Variants in RAB27A observed in about 807,000 individuals in gnomAD.
RAB27A encodes ras-related protein Rab-27A.
Under a neutral mutation model 20.8 loss-of-function variants are expected in RAB27A, and 17 were observed. The observed-to-expected ratio is 0.82, with a 90% CI of 0.56 to 1.23. The LOEUF is 1.23. Ranked by LOEUF, RAB27A falls within the 50% of genes most tolerant of loss-of-function variation. The probability of loss-of-function intolerance (pLI) is 0.00; values close to 1 mark genes in which losing one functional copy is unlikely to be tolerated. For synonymous variants in RAB27A, 85 were observed against 92.8 expected (o/e 0.92, Z 0.48); for missense variants, 277 against 266.7 (o/e 1.04, Z -0.27).
intron 6 of RAB27A, among the ~76,000 whole-genome samples, chr15:55,212,262 A>AC (rs1895063594): frequency 6.6e-6 from 1 of 152,194 alleles, no homozygotes; most frequent in African/African-American, 2.4e-5. Context: ...GCTAGAAAGT[A>AC]GCAGAGTTAG....
chr15:55,318,679 C>T lies in RAB27A; in HGVS notation c.-234+252G>A, dbSNP rs77928167. 3.3e-4 allele frequency among the ~76,000 whole-genome samples: 49 copies of T among 147,410 alleles called. No homozygotes were observed. The East Asian group carries it at 0.01, about 30-fold the overall frequency. ...TTGCGCCACTGCACTCCAGCCTGGA[C>T]TACAAGAGCGAAACTCCGTCTCAAA... On this transcript the variant is annotated intron_variant, in intron 1 of 5. Transcript: ENST00000563262.
chr15:55,293,486 A>T (rs1314552375), upstream of RAB27A, among the ~76,000 whole-genome samples: 1 of 151,978 alleles, frequency 6.6e-6, no homozygotes, highest in African/African-American at 2.4e-5. Flanking sequence ...GAACAATTGA[A>T]AAGGAAACTT....
chr15:55,246,914 G>A (rs1202713191), intron 2 of RAB27A, among the ~76,000 whole-genome samples: 1 of 152,092 alleles, frequency 6.6e-6, no homozygotes, highest in East Asian at 1.9e-4. Context: ...ACAGACTTCG[G>A]AGTCAAGTTC....
upstream of RAB27A, among the ~76,000 whole-genome samples, chr15:55,293,262 C>T (rs191012729): frequency 6.6e-6 from 1 of 151,938 alleles, no homozygotes; most frequent in East Asian, 1.9e-4. Context: ...CTAAGAGGTC[C>T]TAGAAGCAAT....
intron 2 of RAB27A, among the ~76,000 whole-genome samples, chr15:55,258,673 G>A (rs1424283832): frequency 6.6e-6 from 1 of 152,180 alleles, no homozygotes; most frequent in Non-Finnish European, 1.5e-5. Flanking sequence ...AACATTTGGT[G>A]CTTGTTGTCA....
At chr15:55,303,296 C>T (rs867258363) in intron 2 of RAB27A, among the ~76,000 whole-genome samples, 30 of 101,846 alleles carry the variant, frequency 2.9e-4, no homozygotes, top group East Asian at 9.0e-4. Context: ...CCGCCCCGTC[C>T]GGGAGGGAGG....
intron 3 of RAB27A, 27 bp from the exon 4 acceptor site, chr15:55,230,513 CAA>C: frequency 6.4e-7 from 1 of 1,572,860 alleles, no homozygotes; most frequent in Non-Finnish European, 8.7e-7. Context: ...AAAGAGAAAA[CAA>C]AAGAGAACTT....
chr15:55,274,794 T>TTTTATATATATATATATATATA (rs1491185564), intron 1 of RAB27A, among the ~76,000 whole-genome samples: 42 of 52,152 alleles, frequency 8.1e-4, no homozygotes, highest in Admixed American at 1.5e-3. Context: ...AATAAATAAA[T>TTTTATATATATATATATATATA]TATATATATA....
chr15:55,207,404 C>T (rs998579185), intron 6 of RAB27A, among the ~76,000 whole-genome samples: 5 of 152,182 alleles, frequency 3.3e-5, no homozygotes, highest in African/African-American at 1.2e-4. Context: ...GGTCTTAGGG[C>T]AGCCAGAGTC....
chr15:55,255,179 C>T (rs1897033668), intron 2 of RAB27A, among the ~76,000 whole-genome samples: 1 of 152,186 alleles, frequency 6.6e-6, no homozygotes, highest in Non-Finnish European at 1.5e-5. Context: ...ACTTATGTCT[C>T]TTTTCTCCTG....
chr15:55,234,523 G>C (rs1468056019), intron 3 of RAB27A, among the ~76,000 whole-genome samples: 1 of 152,188 alleles, frequency 6.6e-6, no homozygotes, highest in African/African-American at 2.4e-5. Flanking sequence ...AGTTCAGAGG[G>C]AAGATACAAG....
intron 2 of RAB27A, among the ~76,000 whole-genome samples, chr15:55,303,148 C>CA (rs2054981171): frequency 1.8e-5 from 2 of 111,720 alleles, no homozygotes; most frequent in South Asian, 3.0e-4. Flanking sequence ...GTCAGCCCCC[C>CA]GCCCGGCCAG....
chr15:55,305,756 C>T (rs2054994023), intron 2 of RAB27A, among the ~76,000 whole-genome samples: 1 of 152,200 alleles, frequency 6.6e-6, no homozygotes, highest in Admixed American at 6.5e-5. Flanking sequence ...TGAAGGACTA[C>T]TGCTGCTAGG....
intron 2 of RAB27A, among the ~76,000 whole-genome samples, chr15:55,306,313 G>A (rs1365161880): frequency 6.6e-6 from 1 of 152,148 alleles, no homozygotes; most frequent in Non-Finnish European, 1.5e-5. Context: ...AGTGCAGAGG[G>A]AGGCACATCC....
intron 1 of RAB27A, among the ~76,000 whole-genome samples, chr15:55,283,211 C>T (rs1898061548): frequency 6.6e-6 from 1 of 152,146 alleles, no homozygotes; most frequent in Admixed American, 6.6e-5. Context: ...CCACTAAATG[C>T]CAGGAGTAAC....
chr15:55,238,562 C>A (rs985960237), intron 2 of RAB27A: 1 of 152,116 alleles, frequency 6.6e-6, no homozygotes, highest in Non-Finnish European at 1.5e-5. Flanking sequence ...TTATGGAGTG[C>A]CCAGCACAAT....
At chr15:55,220,331 G>A (rs201854995) in intron 6 of RAB27A, among the ~76,000 whole-genome samples, 4 of 152,062 alleles carry the variant, frequency 2.6e-5, no homozygotes, top group East Asian at 3.9e-4. Context: ...GCAATGGTGC[G>A]ATCTTGGCTC....
In RAB27A at chr15:55,251,133, C is replaced by T. The variant is rs554397526; in HGVS notation, c.-22-16177G>A. Among the ~76,000 whole-genome samples the T allele has an allele frequency of 2.6e-5, 4 of 152,264 alleles. No individual in the cohort carries two copies. The South Asian group carries it at 6.2e-4, about 24-fold the overall frequency. ...TGCCTAACCACTTCAGTTGACAGCTCATTTGTAAGATCTGCCACACTCTTT... is the reference window on the plus strand; with the variant it reads ...TGCCTAACCACTTCAGTTGACAGCTTATTTGTAAGATCTGCCACACTCTTT... On this transcript the variant is annotated intron_variant, in intron 2 of 6. Coordinates refer to ENST00000336787, the MANE Select transcript of RAB27A (RefSeq NM_183235.3).
In RAB27A at chr15:55,205,708, G is replaced by A. The variant is rs113895512; in HGVS notation, c.468-3C>T. On this transcript the variant is annotated splice_polypyrimidine_tract_variant and splice_region_variant and intron_variant, in intron 6 of 6. Transcript: ENST00000336787. ...CACTAGTTTCAAAGTAGGGGATTCT[G>A]GAAGACAGAGACAACTGAGGTAACA... The A allele has an allele frequency of 3.8e-4, 611 of 1,611,216 alleles. 4 individuals are homozygous for A. In the African/African-American group the frequency reaches 7.4e-3, roughly 20 times the overall value.
Sources: allele counts gnomAD v4.1 joint callset (sites outside exome capture counted in the v4.1 genomes callset), GRCh38; gene constraint gnomAD v4.1.1; transcripts MANE v1.5; gene names NCBI Gene and HGNC (gene_info 2026-07-23, HGNC 2026-07-21).